TBC1D9B: variants seen among roughly 807,000 people sequenced by gnomAD.
TBC1D9B encodes the protein TBC1 domain family member 9B.
TBC1D9B carries 87 observed loss-of-function variants against 121.1 expected under a neutral mutation model. That is an observed-to-expected ratio of 0.72 (90% CI 0.60 to 0.86). The LOEUF (loss-of-function observed/expected upper bound fraction) is 0.86. TBC1D9B is among the 40% of genes least tolerant of loss of function. TBC1D9B has a pLI of 0.00. For missense variants in TBC1D9B, 1,540 were observed against 1,628.6 expected (o/e 0.95, Z 0.94); for synonymous variants, 668 against 670.1 (o/e 1.00, Z 0.05).
chr5:179,877,871 A>T (rs1024790084), intron 10 of TBC1D9B, among the ~76,000 whole-genome samples: 2 of 152,180 alleles, frequency 1.3e-5, no homozygotes, highest in Non-Finnish European at 2.9e-5. Context: ...ATAGCAATGG[A>T]AAGTAGAACA....
At chr5:179,905,886 A>G (rs1761295868) in intron 1 of TBC1D9B, among the ~76,000 whole-genome samples, 1 of 152,108 alleles carries the variant, frequency 6.6e-6, no homozygotes, top group South Asian at 2.1e-4. Context: ...TTCATAGTCC[A>G]TTAATACTTT....
At chr5:179,903,098 C>G (rs1471526146) in intron 2 of TBC1D9B, among the ~76,000 whole-genome samples, 1 of 152,184 alleles carries the variant, frequency 6.6e-6, no homozygotes, top group East Asian at 1.9e-4. Context: ...TCATCTTCTC[C>G]CAGGCCTTCA....
intron 14 of TBC1D9B, 144 bp downstream of exon 14, chr5:179,872,748 G>A (rs1032985480): frequency 4.1e-6 from 3 of 736,266 alleles, no homozygotes; most frequent in East Asian, 2.7e-5. Context: ...CCTGGATCCC[G>A]GTCCCATGAA....
chr5:179,881,633 T>C (rs1760542120), intron 7 of TBC1D9B, among the ~76,000 whole-genome samples: 1 of 152,242 alleles, frequency 6.6e-6, no homozygotes, highest in Admixed American at 6.5e-5. Flanking sequence ...CATTACTCTG[T>C]TGACCTTTAT....
At chr5:179,869,586 C>T (rs560915715) in intron 17 of TBC1D9B, 183 bp downstream of exon 17, 174 of 722,026 alleles carry the variant, frequency 2.4e-4, no homozygotes, top group Admixed American at 5.0e-4. Context: ...CAGGCCAAGG[C>T]CCTGCTCTCA....
chr5:179,873,245 G>GT lies in TBC1D9B; in HGVS notation c.2189dup (p.Tyr730Ter). The change falls in exon 13 of 21, where the codon TAC (tyrosine) becomes TAAC (stop). Residue 730 changes from tyrosine to a stop codon, truncating the protein, a stop_gained and frameshift_variant. Coordinates refer to ENST00000355235, the MANE Select transcript of TBC1D9B (RefSeq NM_015043.4). LOFTEE classifies it high-confidence loss of function. ...EGEAMTMLGRYLDNVVNKQSV... is the reference protein window; with the variant it reads ...EGEAMTMLGR ...TCTGCTTGTTGACCACATTATCCAG[G>GT]TATCTGCAAAGGACAGAGGACAACA... 3.1e-6 allele frequency: 5 copies of GT among 1,605,240 alleles called. No homozygotes were observed. The highest frequency in any genetic ancestry group is 4.3e-6 in the Non-Finnish European group (5 of 1,175,744).
chr5:179,893,391 A>T lies in TBC1D9B; in HGVS notation c.654T>A (p.Arg218=). Residue 218 remains arginine (R), a synonymous_variant, in exon 5 of 21, where the codon CGT becomes CGA. Transcript: ENST00000355235. ...AGAGCTCCTGGTCGCGGGTGTCCAC[A>T]CGGATGCTCTCGGGGAAGAGCAGGG... ...NATLLFPESI[R]VDTRDQELFF... is the part of the protein sequence containing the mutation. 1 of 1,614,024 alleles carries T rather than the reference A, an allele frequency of 6.2e-7. No homozygotes were observed. The highest frequency in any genetic ancestry group is 8.5e-7 in the Non-Finnish European group (1 of 1,179,970).
Position 179,878,294 on chromosome 5 carries a change from T to A in TBC1D9B, c.1782+15A>T. The A allele has an allele frequency of 1.2e-6, 2 of 1,604,398 alleles. No individual in the cohort carries two copies. The highest frequency in any genetic ancestry group is 1.7e-6 in the Non-Finnish European group (2 of 1,176,260). Reference sequence around the variant, plus strand: ...GTGGCAGATGCTGTCTCTGGGCCCCTGTCAGGCCCCTTACCTGGCAGTAGC... The same window carrying A: ...GTGGCAGATGCTGTCTCTGGGCCCCAGTCAGGCCCCTTACCTGGCAGTAGC... On this transcript the variant is annotated intron_variant, in intron 10 of 20. Transcript: ENST00000355235.
chr5:179,905,147 A>C (rs1407548974), intron 1 of TBC1D9B, among the ~76,000 whole-genome samples: 1 of 152,242 alleles, frequency 6.6e-6, no homozygotes, highest in African/African-American at 2.4e-5. Context: ...CTACAAAACA[A>C]GTATTGCTTT....
chr5:179,896,489 T>C (rs1582102020), intron 3 of TBC1D9B, among the ~76,000 whole-genome samples: 2 of 152,182 alleles, frequency 1.3e-5, no homozygotes, highest in East Asian at 3.9e-4. Context: ...AACTGGAAAT[T>C]AATAAATGTT....
intron 6 of TBC1D9B, among the ~76,000 whole-genome samples, 163 bp from the exon 7 acceptor site, chr5:179,888,475 C>G (rs908269806): frequency 3.9e-5 from 6 of 152,186 alleles, no homozygotes; most frequent in African/African-American, 1.4e-4. Flanking sequence ...CTGCACCTAA[C>G]CCCGAGCAAG....
chr5:179,867,933 G>A (rs1760071112), intron 17 of TBC1D9B, 84 bp from the exon 18 acceptor site: 2 of 1,362,028 alleles, frequency 1.5e-6, no homozygotes, highest in Non-Finnish European at 9.6e-7. Flanking sequence ...CCTGGGCAGA[G>A]CCTTGCTTTC....
In TBC1D9B at chr5:179,902,777, C is replaced by T. The variant is rs928938981; in HGVS notation, c.229+1925G>A. On this transcript the variant is annotated intron_variant, in intron 2 of 20. Transcript: ENST00000355235. This position sits in a 1 kb window ranked among gnomAD's most constrained non-coding sequence, Gnocchi z 4.9. ...TCCTGGCCCACTCAGAAATGGTCCC[C>T]TCCCCACAGGAAGCCCCTCCTCTGG... Among the ~76,000 whole-genome samples the T allele has an allele frequency of 2.0e-5, 3 of 152,198 alleles. No homozygotes were observed. Among genetic ancestry groups the T allele is most frequent in the African/African-American group, 7.2e-5 (3 of 41,448 alleles).
chr5:179,889,759 A>T (rs1396181897), intron 6 of TBC1D9B, among the ~76,000 whole-genome samples: 1 of 151,278 alleles, frequency 6.6e-6, no homozygotes, highest in Non-Finnish European at 1.5e-5. Context: ...CTGCTGTCCC[A>T]GCTACTCGGG....
rs945332637 is a variant in TBC1D9B, at chr5:179,907,816, C to T, written c.6G>A (p.Trp2Ter). 1.7e-6 allele frequency: 2 copies of T among 1,185,876 alleles called. No individual in the cohort carries two copies. Among genetic ancestry groups the T allele is most frequent in the South Asian group, 1.6e-5 (1 of 61,478 alleles). 73.5% of individuals were successfully genotyped at this position (1,185,876 alleles called of 1,614,324 possible). A position where few individuals can be genotyped will look rare whatever the true frequency, so the allele number is the denominator to read the frequency against. ...CCACCAGCACCTCCTCCGGGCTCAG[C>T]CACATCGCGGAGCCGCTCGCACCGG... M[W>*]LSPEEVLVAN... is the part of the protein sequence containing the mutation. Residue 2 changes from tryptophan to a stop codon, truncating the protein, a stop_gained, in exon 1 of 21, where the codon TGG (tryptophan) becomes TGA (stop). Coordinates refer to ENST00000355235, the MANE Select transcript of TBC1D9B (RefSeq NM_015043.4). LOFTEE classifies it high-confidence loss of function. This position sits in a 1 kb window ranked among gnomAD's most constrained non-coding sequence, Gnocchi z 5.3.
chr5:179,907,287 G>A lies in TBC1D9B; in HGVS notation c.118+417C>T, dbSNP rs1372734172. Among the ~76,000 whole-genome samples the A allele has an allele frequency of 4.6e-5, 7 of 152,140 alleles. No individual in the cohort carries two copies. In the South Asian group the frequency reaches 1.2e-3, roughly 27 times the overall value. On this transcript the variant is annotated intron_variant, in intron 1 of 20. Transcript: ENST00000355235. This position sits in a 1 kb window ranked among gnomAD's most constrained non-coding sequence, Gnocchi z 5.3. ...AGAGGGCAAAAGAAAACGTGCGCTG[G>A]CGTCACCTGGCCCCTTAGAGGCACC...
chr5:179,867,772 G>T lies in TBC1D9B; in HGVS notation c.2863+6C>A. The T allele has an allele frequency of 6.3e-7, 1 of 1,584,192 alleles. No homozygotes were observed. Among genetic ancestry groups the T allele is most frequent in the African/African-American group, 1.3e-5 (1 of 74,360 alleles). On this transcript the variant is annotated splice_donor_region_variant and intron_variant, in intron 18 of 20. Coordinates refer to ENST00000355235, the MANE Select transcript of TBC1D9B (RefSeq NM_015043.4). ...GGGCATGTCGGGTGTTCCAGTGGCCGCTCACCTTCTGAGGAGCTGTCCTCT... is the reference window on the plus strand; with the variant it reads ...GGGCATGTCGGGTGTTCCAGTGGCCTCTCACCTTCTGAGGAGCTGTCCTCT...
intron 4 of TBC1D9B, among the ~76,000 whole-genome samples, chr5:179,894,108 G>A (rs546346279): frequency 2.0e-5 from 3 of 152,228 alleles, no homozygotes; most frequent in Admixed American, 6.5e-5. Context: ...TGGGACAGAC[G>A]TGTGCCTGAA....
rs1278059382 is a variant in TBC1D9B, at chr5:179,902,512, G to A, written c.229+2190C>T. On this transcript the variant is annotated intron_variant, in intron 2 of 20. Coordinates refer to ENST00000355235, the MANE Select transcript of TBC1D9B (RefSeq NM_015043.4). The surrounding 1 kb of genome is among the most constrained non-coding windows in gnomAD (Gnocchi z 4.9). ...GGAGGCACAGCCAGGGCCAGTGCAGGGCTTTGGGCCTGGCAGGAGGGGAGA... is the reference window on the plus strand; with the variant it reads ...GGAGGCACAGCCAGGGCCAGTGCAGAGCTTTGGGCCTGGCAGGAGGGGAGA... 6.6e-6 allele frequency among the ~76,000 whole-genome samples: 1 copy of A among 152,170 alleles called. No individual in the cohort carries two copies. Among genetic ancestry groups the A allele is most frequent in the Admixed American group, 6.5e-5 (1 of 15,284 alleles).
Sources: allele counts gnomAD v4.1 joint callset (sites outside exome capture counted in the v4.1 genomes callset), GRCh38; gene constraint gnomAD v4.1.1; non-coding constraint Gnocchi (gnomAD v3.1); transcripts MANE v1.5; gene names NCBI Gene and HGNC (gene_info 2026-07-23, HGNC 2026-07-21).